The following WDR19 variants were observed in gnomAD, a reference collection of about 807,000 sequenced individuals.
WDR19 encodes WD repeat domain 19.
Under a neutral mutation model 180.0 loss-of-function variants are expected in WDR19, and 121 were observed. The ratio of observed to expected loss-of-function variants is 0.67; its 90% confidence interval spans 0.58 to 0.78. The LOEUF is 0.78. Ranked by LOEUF, WDR19 falls within the 30% of genes least tolerant of loss-of-function variation. WDR19 has a pLI of 0.00. For missense variants in WDR19, 1,450 were observed against 1,640.7 expected, an observed-to-expected ratio of 0.88 and a Z score of 2.01; for synonymous variants, 497 against 540.7, an observed-to-expected ratio of 0.92 and a Z score of 1.12.
rs1415778103 is a variant in WDR19, at chr4:39,186,580, AAAG to A, written c.144_146del (p.Arg48del). ...AAAATCTTTGATCGCCATGGTCAAAAAAGAAGTGAAATTAACTTACCTGGGTAA... is the reference window on the plus strand; with the variant it reads ...AAAATCTTTGATCGCCATGGTCAAAAAAGTGAAATTAACTTACCTGGGTAA... On this transcript the variant is annotated inframe_deletion, in exon 3 of 37. Transcript: ENST00000399820. The A allele has an allele frequency of 6.3e-7, 1 of 1,587,844 alleles. No homozygotes were observed.
intron 5 of WDR19, among the ~76,000 whole-genome samples, chr4:39,195,387 C>CAAAAAAAAAAA (rs11372483): frequency 1.3e-4 from 18 of 141,906 alleles, no homozygotes; most frequent in South Asian, 2.2e-4. Context: ...AACAAAAAAA[C>CAAAAAAAAAAA]AAACAAACAA....
At chr4:39,247,666 C>T (rs559486280) in intron 24 of WDR19, among the ~76,000 whole-genome samples, 2 of 152,160 alleles carry the variant, frequency 1.3e-5, no homozygotes, top group African/African-American at 4.8e-5. Flanking sequence ...TTAAAGGACC[C>T]GATGGAGTGA....
intron 21 of WDR19, among the ~76,000 whole-genome samples, chr4:39,242,650 C>T (rs1732079267): frequency 6.6e-6 from 1 of 152,038 alleles, no homozygotes; most frequent in African/African-American, 2.4e-5. Context: ...AGCAAGACCC[C>T]CATCTCTACA....
In WDR19 at chr4:39,278,588, G is replaced by A. The variant is rs563367049; in HGVS notation, c.3967G>A (p.Ala1323Thr). The A allele has an allele frequency of 2.8e-5, 45 of 1,613,464 alleles. No homozygotes were observed. The highest frequency in any genetic ancestry group is 2.1e-4 in the African/African-American group (16 of 75,014). Reference sequence around the variant, plus strand: ...TCCTATGTGTTCAGAAAGATTAAACGCTGCTCAGCTGAAAAAGATTTCAGA... The same window carrying A: ...TCCTATGTGTTCAGAAAGATTAAACACTGCTCAGCTGAAAAAGATTTCAGA... ...TCPMCSERLN[A>T]AQLKKISDCT... The change falls in exon 36 of 37, where the codon GCT becomes ACT. Residue 1323 changes from alanine (A) to threonine (T), a missense_variant. By Grantham distance (58) the Ala-to-Thr change is moderately conservative (BLOSUM62 0). Transcript: ENST00000399820.
At position 39,277,095 on chromosome 4, in the gene WDR19, A is replaced by G. The variant is rs549897616; in HGVS notation, c.3792A>G (p.Glu1264=). 1 of 1,613,556 alleles carries G rather than the reference A, an allele frequency of 6.2e-7. No homozygotes were observed. Among genetic ancestry groups the G allele is most frequent in the African/African-American group, 1.3e-5 (1 of 74,904 alleles). The change falls in exon 34 of 37, where the codon GAA becomes GAG. Residue 1264 remains glutamate (E), a synonymous_variant. Transcript: ENST00000399820. Reference sequence around the variant, plus strand: ...GCAAATTTCTTCTCCCAGAGTGTGAACTCCTCTGTCCTGGATGTAAAAACA... The same window carrying G: ...GCAAATTTCTTCTCCCAGAGTGTGAGCTCCTCTGTCCTGGATGTAAAAACA... The part of the protein sequence containing the change: ...PFCKFLLPEC[E]LLCPGCKNSI...
At chr4:39,232,330 GAA>G in intron 19 of WDR19, 58 bp downstream of exon 19, 2 of 1,317,958 alleles carry the variant, frequency 1.5e-6, no homozygotes, top group Non-Finnish European at 1.0e-6. Context: ...GGAAATGGGG[GAA>G]AAAAAAATGG....
intron 28 of WDR19, among the ~76,000 whole-genome samples, chr4:39,260,905 A>G (rs1369938367): frequency 6.6e-6 from 1 of 152,184 alleles, no homozygotes; most frequent in Non-Finnish European, 1.5e-5. Flanking sequence ...TCCATTTCCA[A>G]GTATCATTAC....
Position 39,231,924 on chromosome 4 carries a change from G to A in WDR19, c.2110G>A (p.Val704Ile). The change falls in exon 18 of 37, where the codon GTT (valine) becomes ATT (isoleucine). Residue 704 changes from valine to isoleucine, a missense_variant. Physicochemically the swap from Val to Ile is conservative, Grantham distance 29. Transcript: ENST00000399820. ...AIRVYRRIGN[V>I]GIVMSLEQIK... is the part of the protein sequence containing the mutation. ...CCGTGTTTATCGGAGAATTGGAAAT[G>A]TTGGCATAGTGATGTCCTTGGAACA... 6.2e-7 allele frequency: 1 copy of A among 1,613,612 alleles called. No individual in the cohort carries two copies. Among genetic ancestry groups the A allele is most frequent in the African/African-American group, 1.3e-5 (1 of 75,016 alleles).
chr4:39,237,909 T>A (rs947462332), intron 20 of WDR19: 1 of 152,164 alleles, frequency 6.6e-6, no homozygotes, highest in South Asian at 2.1e-4. Context: ...ACTCTTCGAT[T>A]TTCACTTCCT....
chr4:39,221,082 T>C (rs1729657982), intron 14 of WDR19, among the ~76,000 whole-genome samples: 1 of 151,964 alleles, frequency 6.6e-6, no homozygotes, highest in African/African-American at 2.4e-5. Flanking sequence ...CTGAGAGACT[T>C]TTTAAAATTT....
At chr4:39,263,668 T>C (rs1175944792) in intron 28 of WDR19, among the ~76,000 whole-genome samples, 3 of 152,158 alleles carry the variant, frequency 2.0e-5, no homozygotes, top group Admixed American at 2.0e-4. Flanking sequence ...CTCACACCTG[T>C]AATCCCAGCA....
chr4:39,282,587 G>A (rs1211637333), intron 36 of WDR19, among the ~76,000 whole-genome samples: 3 of 152,036 alleles, frequency 2.0e-5, no homozygotes, highest in Non-Finnish European at 4.4e-5. Flanking sequence ...TATTAGAGAT[G>A]GGGTTTCACC....
chr4:39,234,141 A>G (rs1731148702), intron 19 of WDR19, among the ~76,000 whole-genome samples: 2 of 152,236 alleles, frequency 1.3e-5, no homozygotes, highest in African/African-American at 4.8e-5. Context: ...CTAGAACAGT[A>G]TCTGGCAGAT....
chr4:39,186,868 C>T (rs531471856), intron 3 of WDR19, among the ~76,000 whole-genome samples: 1 of 152,228 alleles, frequency 6.6e-6, no homozygotes, highest in Admixed American at 6.5e-5. Context: ...AGAGTCCACA[C>T]GAAACAATTC....
At chr4:39,254,298 A>T (rs1006235157) in intron 26 of WDR19, among the ~76,000 whole-genome samples, 1 of 152,222 alleles carries the variant, frequency 6.6e-6, no homozygotes, top group Non-Finnish European at 1.5e-5. Flanking sequence ...AGATTTCCCA[A>T]ATCCTGCTAT....
At position 39,244,281 on chromosome 4, in the gene WDR19, C is replaced by T; in HGVS notation, c.2455C>T (p.Gln819Ter). Reference protein sequence around the residue: ...HDEACLAGVAQMSIRMGDIRR... With the variant: ...HDEACLAGVA ...TGAAGCTTGTCTGGCTGGAGTGGCC[C>T]AGATGTCCATAAGAATGGGAGACAT... The change falls in exon 22 of 37, where the codon CAG becomes TAG. Residue 819 changes from glutamine (Q) to a stop codon, truncating the protein, a stop_gained. Coordinates refer to ENST00000399820, the MANE Select transcript of WDR19 (RefSeq NM_025132.4). LOFTEE classifies it high-confidence loss of function. The T allele has an allele frequency of 6.2e-7, 1 of 1,613,690 alleles. No homozygotes were observed. The highest frequency in any genetic ancestry group is 8.5e-7 in the Non-Finnish European group (1 of 1,179,720).
intron 24 of WDR19, among the ~76,000 whole-genome samples, chr4:39,246,392 T>C (rs1560533964): frequency 6.6e-6 from 1 of 152,104 alleles, no homozygotes; most frequent in Non-Finnish European, 1.5e-5. Context: ...GATGGCCGAA[T>C]AGGAACAGCT....
Position 39,281,236 on chromosome 4 carries a change from T to TAGAGAGAGAGAGAG in WDR19, c.*13+2587_*13+2600dup, listed in dbSNP as rs1553919999. 6.3e-3 allele frequency among the ~76,000 whole-genome samples: 656 copies of TAGAGAGAGAGAGAG among 103,850 alleles called. 3 individuals carry two copies. The highest frequency in any genetic ancestry group is 6.9e-3 in the Non-Finnish European group (384 of 55,920). The allele number at this position is 103,850 out of a possible 152,430, so 68.1% of individuals were successfully genotyped here. A position where few individuals can be genotyped will look rare whatever the true frequency, so the allele number is the denominator to read the frequency against. ...GTGTGTATATATATATATATATATATAGAGAGAGAGAGAGAGAGAGAGAGA... is the reference window on the plus strand; with the variant it reads ...GTGTGTATATATATATATATATATATAGAGAGAGAGAGAGAGAGAGAGAGAGAGAGAGAGAGAGA... On this transcript the variant is annotated intron_variant, in intron 36 of 36. Transcript: ENST00000399820.
intron 21 of WDR19, among the ~76,000 whole-genome samples, chr4:39,242,861 T>G (rs1577971850): frequency 6.6e-6 from 1 of 151,956 alleles, no homozygotes; most frequent in Admixed American, 6.5e-5. Flanking sequence ...AGAGACAGGG[T>G]TTTGCCATGT....
Sources: gnomAD v4.1 joint callset for allele counts (sites outside exome capture counted in the v4.1 genomes callset) on GRCh38, gnomAD v4.1.1 for gene constraint, MANE v1.5 for transcripts, NCBI Gene and HGNC (gene_info 2026-07-23, HGNC 2026-07-21) for gene names.